The following MIPOL1 variants were observed in gnomAD, a reference collection of about 807,000 sequenced individuals.
MIPOL1 encodes the protein mirror-image polydactyly gene 1 protein.
MIPOL1 carries 57 observed loss-of-function variants against 60.9 expected under a neutral mutation model. That is an observed-to-expected ratio of 0.94 (90% CI 0.76 to 1.17). The LOEUF is 1.17. Among genes scored for constraint, MIPOL1 ranks in the 50% most tolerant of loss-of-function variants. The pLI is 0.00. For missense variants in MIPOL1, 551 were observed against 511.6 expected (o/e 1.08, Z -0.74); for synonymous variants, 179 against 168.8 (o/e 1.06, Z -0.47).
At chr14:37,375,586 TAA>T (rs1386358620) in intron 10 of MIPOL1, among the ~76,000 whole-genome samples, 1 of 152,194 alleles carries the variant, frequency 6.6e-6, no homozygotes, top group Non-Finnish European at 1.5e-5. Context: ...CCTTAGATTA[TAA>T]AAGAGCTCTG....
At chr14:37,401,395 T>C (rs998859166) in intron 10 of MIPOL1, 1 of 152,078 alleles carries the variant, frequency 6.6e-6, no homozygotes, top group Non-Finnish European at 1.5e-5. Context: ...TATAGACATA[T>C]CTAGGCAAAA....
intron 7 of MIPOL1, among the ~76,000 whole-genome samples, chr14:37,286,839 C>G (rs566182525): frequency 6.6e-6 from 1 of 152,208 alleles, no homozygotes; most frequent in South Asian, 2.1e-4. Context: ...CCATCTTTAT[C>G]TATAAGGAAA....
chr14:37,497,097 A>G lies in MIPOL1; in HGVS notation c.1032-2811A>G, dbSNP rs2095143023. ...GGGAAAACTGGCTAGCCATATGTAG[A>G]AAGCTGAAACTGGATCCCTTCCTTA... On this transcript the variant is annotated intron_variant, in intron 11 of 12. Transcript: ENST00000684589. 2.0e-5 allele frequency among the ~76,000 whole-genome samples: 3 copies of G among 152,120 alleles called. No individual in the cohort carries two copies. In the South Asian group the frequency reaches 6.2e-4, roughly 32 times the overall value.
At chr14:37,204,472 G>C (rs1326166538) in intron 1 of MIPOL1, among the ~76,000 whole-genome samples, 1 of 152,104 alleles carries the variant, frequency 6.6e-6, no homozygotes, top group African/African-American at 2.4e-5. Flanking sequence ...GGAGATAATT[G>C]AATCATGGGT....
chr14:37,446,162 G>A (rs1178598593), intron 11 of MIPOL1, among the ~76,000 whole-genome samples: 2 of 152,126 alleles, frequency 1.3e-5, no homozygotes, highest in East Asian at 1.9e-4. Flanking sequence ...GAAAATTTTT[G>A]CAACCTACTC....
At chr14:37,464,587 G>A (rs892995663) in intron 11 of MIPOL1, among the ~76,000 whole-genome samples, 2 of 152,132 alleles carry the variant, frequency 1.3e-5, no homozygotes, top group African/African-American at 2.4e-5. Context: ...TCCAAAGTGG[G>A]GTAGGAGGAA....
chr14:37,284,760 A>G (rs775402383), intron 6 of MIPOL1, among the ~76,000 whole-genome samples: 1 of 152,202 alleles, frequency 6.6e-6, no homozygotes, highest in African/African-American at 2.4e-5. Context: ...CCATTTGTCC[A>G]TAGTCAAGTC....
intron 10 of MIPOL1, among the ~76,000 whole-genome samples, chr14:37,394,897 G>T (rs978062759): frequency 6.6e-6 from 1 of 152,104 alleles, no homozygotes; most frequent in Non-Finnish European, 1.5e-5. Flanking sequence ...TATAGTTGCA[G>T]GTCTTGGATT....
At chr14:37,467,836 C>G (rs970833327) in intron 11 of MIPOL1, among the ~76,000 whole-genome samples, 1 of 151,878 alleles carries the variant, frequency 6.6e-6, no homozygotes, top group African/African-American at 2.4e-5. Flanking sequence ...GGCGGATCAC[C>G]TGAGGTCAGG....
At chr14:37,513,169 T>C (rs1416787240) in intron 12 of MIPOL1, among the ~76,000 whole-genome samples, 1 of 152,140 alleles carries the variant, frequency 6.6e-6, no homozygotes, top group African/African-American at 2.4e-5. Flanking sequence ...TTTTAAAGAA[T>C]TTAATATTCT....
chr14:37,547,344 G>A lies in MIPOL1; in HGVS notation c.*373G>A, dbSNP rs971476983. Reference sequence around the variant, plus strand: ...TATGGCCCTTTCTGAATCAAAGTGCGGCAAAGTAAATATTGTCTAAGCTTT... The same window carrying A: ...TATGGCCCTTTCTGAATCAAAGTGCAGCAAAGTAAATATTGTCTAAGCTTT... On this transcript the variant is annotated 3_prime_UTR_variant, in exon 13 of 13. Transcript: ENST00000684589. The A allele has an allele frequency of 2.2e-5, 4 of 179,616 alleles. No individual in the cohort carries two copies. Among genetic ancestry groups the A allele is most frequent in the Non-Finnish European group, 3.5e-5 (3 of 85,598 alleles). 11.1% of individuals were successfully genotyped at this position (179,616 alleles called of 1,614,324 possible).
chr14:37,507,104 A>G (rs2095284209), intron 12 of MIPOL1: 1 of 152,140 alleles, frequency 6.6e-6, no homozygotes, highest in Non-Finnish European at 1.5e-5. Context: ...GTCAATAAAC[A>G]ACAGAAGCTG....
At chr14:37,496,620 A>T (rs2095134179) in intron 11 of MIPOL1, among the ~76,000 whole-genome samples, 1 of 149,948 alleles carries the variant, frequency 6.7e-6, no homozygotes, top group African/African-American at 2.5e-5. Context: ...CTTCAAGGAG[A>T]ACTACAAACC....
At chr14:37,475,564 A>G (rs371444505) in intron 11 of MIPOL1, among the ~76,000 whole-genome samples, 1 of 152,050 alleles carries the variant, frequency 6.6e-6, no homozygotes, top group Non-Finnish European at 1.5e-5. Context: ...TTTTGCTGTT[A>G]TAGTCCTGTG....
At chr14:37,533,957 C>T (rs2095493789) in intron 12 of MIPOL1, among the ~76,000 whole-genome samples, 1 of 151,662 alleles carries the variant, frequency 6.6e-6, no homozygotes, top group South Asian at 2.1e-4. Context: ...GGTATGATGG[C>T]ACGTCCCTTA....
At chr14:37,221,547 G>A (rs1368486530) in intron 1 of MIPOL1, among the ~76,000 whole-genome samples, 1 of 152,126 alleles carries the variant, frequency 6.6e-6, no homozygotes, top group East Asian at 1.9e-4. Flanking sequence ...AGCATGGCTG[G>A]GGAGACTTCA....
intron 12 of MIPOL1, among the ~76,000 whole-genome samples, chr14:37,532,821 T>C (rs1399732281): frequency 6.6e-6 from 1 of 152,206 alleles, no homozygotes; most frequent in Non-Finnish European, 1.5e-5. Flanking sequence ...TATTAGCTTA[T>C]GTATATATAT....
intron 9 of MIPOL1, among the ~76,000 whole-genome samples, chr14:37,339,006 A>C (rs565031525): frequency 2.0e-5 from 3 of 152,354 alleles, no homozygotes; most frequent in Non-Finnish European, 4.4e-5. Context: ...TAAAAGTGAA[A>C]GCTCATCAAA....
chr14:37,474,379 G>C (rs888579111), intron 11 of MIPOL1, among the ~76,000 whole-genome samples: 1 of 152,136 alleles, frequency 6.6e-6, no homozygotes, highest in Non-Finnish European at 1.5e-5. Flanking sequence ...GTCGTGGGAG[G>C]GGAGGGACCC....
Sources: gnomAD v4.1 joint callset for allele counts (sites outside exome capture counted in the v4.1 genomes callset) on GRCh38, gnomAD v4.1.1 for gene constraint, MANE v1.5 for transcripts, NCBI Gene and HGNC (gene_info 2026-07-23, HGNC 2026-07-21) for gene names.